MARCHF2: variants seen among roughly 807,000 people sequenced by gnomAD.
MARCHF2 encodes E3 ubiquitin-protein ligase MARCHF2.
Under a neutral mutation model 24.0 loss-of-function variants are expected in MARCHF2, and 22 were observed. The observed-to-expected ratio is 0.92, with a 90% CI of 0.66 to 1.31. The LOEUF (loss-of-function observed/expected upper bound fraction) is 1.31. Among genes scored for constraint, MARCHF2 ranks in the 50% most tolerant of loss-of-function variants. MARCHF2 has a pLI of 0.00. For missense variants in MARCHF2, 301 were observed against 335.3 expected, an observed-to-expected ratio of 0.90 and a Z score of 0.80; for synonymous variants, 154 against 153.0, an observed-to-expected ratio of 1.01 and a Z score of -0.05.
intron 2 of MARCHF2, among the ~76,000 whole-genome samples, chr19:8,426,011 A>C (rs1161361154): frequency 6.6e-6 from 1 of 151,088 alleles, no homozygotes; most frequent in Non-Finnish European, 1.5e-5. Flanking sequence ...GCGGATCACA[A>C]TATCAGGAGA....
chr19:8,421,917 T>A lies in MARCHF2; in HGVS notation c.77T>A (p.Val26Glu), dbSNP rs746362011. 2 of 1,613,896 alleles carry A rather than the reference T, an allele frequency of 1.2e-6. No homozygotes were observed. Among genetic ancestry groups the A allele is most frequent in the Non-Finnish European group, 1.7e-6 (2 of 1,179,938 alleles). ...GGCAGCCCTGCCTTCTCCAAGGTCG[T>A]GGAGGCTACGGGCCTCGGACCGCCC... ...CSGSPAFSKVVEATGLGPPQY... is the reference protein window; with the variant it reads ...CSGSPAFSKVEEATGLGPPQY... Residue 26 changes from valine (V) to glutamate (E), a missense_variant, in exon 2 of 5, where the codon GTG becomes GAG. Coordinates refer to ENST00000215555, the MANE Select transcript of MARCHF2 (RefSeq NM_001005415.2).
Position 8,438,663 on chromosome 19 carries a change from C to A in MARCHF2, c.*117C>A. The A allele has an allele frequency of 9.0e-7, 1 of 1,110,830 alleles. No homozygotes were observed. The highest frequency in any genetic ancestry group is 1.6e-5 in the African/African-American group (1 of 63,686). 68.8% of individuals were successfully genotyped at this position (1,110,830 alleles called of 1,614,324 possible). A position where few individuals can be genotyped will look rare whatever the true frequency, so the allele number is the denominator to read the frequency against. ...TTCAACAGTTCCCGCACGGCCTGAA[C>A]GCTTCTTAGGCCAAGAGACACCATG... On this transcript the variant is annotated 3_prime_UTR_variant, in exon 5 of 5. Transcript: ENST00000215555.
intron 1 of MARCHF2, among the ~76,000 whole-genome samples, chr19:8,421,480 G>C (rs930832838): frequency 1.4e-5 from 2 of 145,044 alleles, no homozygotes; most frequent in African/African-American, 2.6e-5. Flanking sequence ...ACCCGCCTCA[G>C]CCTCCCAAAG....
chr19:8,425,202 C>T (rs889365725), intron 2 of MARCHF2, among the ~76,000 whole-genome samples: 9 of 151,728 alleles, frequency 5.9e-5, no homozygotes, highest in African/African-American at 1.2e-4. Context: ...GGTGAAACCC[C>T]GTCTCTACTA....
At chr19:8,418,247 C>T (rs938951030) in intron 1 of MARCHF2, among the ~76,000 whole-genome samples, 10 of 152,146 alleles carry the variant, frequency 6.6e-5, no homozygotes, top group African/African-American at 2.4e-4. Context: ...TGTGTCAGGC[C>T]CGGCCACTGC....
At position 8,438,582 on chromosome 19, in the gene MARCHF2, A is replaced by G. The variant is rs1428948984; in HGVS notation, c.*36A>G. ...CTCCGGACCCTGCAGCAGAGAGGCCAGAGGTAGCTGGTGATACCCTGTCCT... is the reference window on the plus strand; with the variant it reads ...CTCCGGACCCTGCAGCAGAGAGGCCGGAGGTAGCTGGTGATACCCTGTCCT... On this transcript the variant is annotated 3_prime_UTR_variant, in exon 5 of 5. Coordinates refer to ENST00000215555, the MANE Select transcript of MARCHF2 (RefSeq NM_001005415.2). The G allele has an allele frequency of 6.2e-7, 1 of 1,607,198 alleles. No individual in the cohort carries two copies. Among genetic ancestry groups the G allele is most frequent in the South Asian group, 1.1e-5 (1 of 90,496 alleles).
Position 8,426,710 on chromosome 19 carries a change from G to A in MARCHF2, c.278G>A (p.Cys93Tyr). 6.2e-7 allele frequency: 1 copy of A among 1,613,634 alleles called. No individual in the cohort carries two copies. The highest frequency in any genetic ancestry group is 8.5e-7 in the Non-Finnish European group (1 of 1,180,032). ...TGTLGAVHKS[C>Y]LEKWLSSSNT... ...ACGCTGGGTGCCGTGCATAAGAGCT[G>A]TCTGGAGAAGTGGCTTTCCTCATCT... The change falls in exon 3 of 5, where the codon TGT becomes TAT. Residue 93 changes from cysteine (C) to tyrosine (Y), a missense_variant. Coordinates refer to ENST00000215555, the MANE Select transcript of MARCHF2 (RefSeq NM_001005415.2).
In MARCHF2 at chr19:8,430,671, CG is replaced by C; in HGVS notation, c.390del (p.Pro131ArgfsTer86). The part of the protein sequence containing the change: ...PRPLTEWLKD[P>X]GPRTEKRTLC... The stretch of plus-strand genomic sequence containing the variant: ...TCTCCCCTGCAGTGGCTGAAGGACC[CG>C]GGGCCGCGGACGGAGAAGCGGACAC... On this transcript the variant is annotated frameshift_variant, in exon 4 of 5. Coordinates refer to ENST00000215555, the MANE Select transcript of MARCHF2 (RefSeq NM_001005415.2). LOFTEE classifies it high-confidence loss of function. The surrounding 1 kb of genome is among the most constrained non-coding windows in gnomAD (Gnocchi z 4.4). 1 of 1,608,470 alleles carries C rather than the reference CG, an allele frequency of 6.2e-7. No homozygotes were observed.
At chr19:8,414,332 C>T (rs1397617808) in intron 1 of MARCHF2, among the ~76,000 whole-genome samples, 2 of 151,812 alleles carry the variant, frequency 1.3e-5, no homozygotes, top group Non-Finnish European at 2.9e-5. Flanking sequence ...TGCAGTGGCA[C>T]GATCTGAGCT....
In MARCHF2 at chr19:8,438,823, A is replaced by G. The variant is rs948219208; in HGVS notation, c.*277A>G. The G allele has an allele frequency of 2.5e-5, 8 of 318,040 alleles. No homozygotes were observed. Among genetic ancestry groups the G allele is most frequent in the African/African-American group, 1.5e-4 (7 of 46,408 alleles). The allele number at this position is 318,040 out of a possible 1,614,324, so 19.7% of individuals were successfully genotyped here. A position where few individuals can be genotyped will look rare whatever the true frequency, so the allele number is the denominator to read the frequency against. On this transcript the variant is annotated 3_prime_UTR_variant, in exon 5 of 5. Coordinates refer to ENST00000215555, the MANE Select transcript of MARCHF2 (RefSeq NM_001005415.2). Reference sequence around the variant, plus strand: ...ACCCTGATCTCATTCTGAGGTCCACATGGCACCTTCTGGGCCAGCAGCTGT... The same window carrying G: ...ACCCTGATCTCATTCTGAGGTCCACGTGGCACCTTCTGGGCCAGCAGCTGT...
intron 1 of MARCHF2, among the ~76,000 whole-genome samples, chr19:8,415,900 C>T (rs1371614848): frequency 6.6e-6 from 1 of 152,128 alleles, no homozygotes; most frequent in African/African-American, 2.4e-5. Flanking sequence ...TCAAGTTTGG[C>T]CTCTTCCAGG....
At chr19:8,415,744 CA>C (rs542384304) in intron 1 of MARCHF2, among the ~76,000 whole-genome samples, 36,250 of 95,798 alleles carry the variant, frequency 0.38, 8,282 homozygotes, top group Admixed American at 0.47. Context: ...ACAAAAAAAA[CA>C]AAAAAAAAAA....
intron 1 of MARCHF2, among the ~76,000 whole-genome samples, chr19:8,415,446 C>T (rs1253941810): frequency 7.4e-5 from 11 of 148,750 alleles, no homozygotes; most frequent in African/African-American, 1.5e-4. Flanking sequence ...AGGCCAGGCG[C>T]GGTGACTCAT....
At chr19:8,434,238 C>T (rs1967655727) in intron 4 of MARCHF2, among the ~76,000 whole-genome samples, 1 of 151,950 alleles carries the variant, frequency 6.6e-6, no homozygotes, top group African/African-American at 2.4e-5. Context: ...GCATGTGCCA[C>T]CACACCCAGC....
intron 2 of MARCHF2, among the ~76,000 whole-genome samples, chr19:8,425,492 C>T (rs1041048532): frequency 2.6e-5 from 4 of 152,068 alleles, no homozygotes; most frequent in African/African-American, 7.2e-5. Flanking sequence ...GTGATCCTCC[C>T]GCTTCAGCCT....
At chr19:8,431,497 C>CAAAAA (rs60782968) in intron 4 of MARCHF2, among the ~76,000 whole-genome samples, 10 of 57,420 alleles carry the variant, frequency 1.7e-4, no homozygotes, top group Admixed American at 2.6e-4. Context: ...AACTCGATCT[C>CAAAAA]AAAAAAAAAA....
intron 1 of MARCHF2, among the ~76,000 whole-genome samples, chr19:8,419,672 C>T (rs1170329329): frequency 2.7e-5 from 4 of 146,258 alleles, no homozygotes; most frequent in Admixed American, 7.0e-5. Flanking sequence ...AAAAATTAGC[C>T]GGGCGTGGTG....
At chr19:8,426,583 C>T (rs1967407545) in intron 2 of MARCHF2, 26 bp from the exon 3 acceptor site, 1 of 1,601,472 alleles carries the variant, frequency 6.2e-7, no homozygotes, top group African/African-American at 1.3e-5. Context: ...CCAATCATTG[C>T]TCATGGGTCC....
intron 4 of MARCHF2, among the ~76,000 whole-genome samples, chr19:8,437,176 C>T (rs937940565): frequency 2.4e-4 from 37 of 151,900 alleles, no homozygotes; most frequent in African/African-American, 4.8e-5. Flanking sequence ...GACAAGGTCT[C>T]GCTATGTTGC....
Sources: allele counts gnomAD v4.1 joint callset (sites outside exome capture counted in the v4.1 genomes callset), GRCh38; gene constraint gnomAD v4.1.1; non-coding constraint Gnocchi (gnomAD v3.1); transcripts MANE v1.5; gene names NCBI Gene and HGNC (gene_info 2026-07-23, HGNC 2026-07-21).